ADGRB3: variants seen among roughly 807,000 people sequenced by gnomAD.
The protein encoded by ADGRB3 is adhesion G protein-coupled receptor B3, also known as brain-specific angiogenesis inhibitor 3.
ADGRB3 carries 37 observed loss-of-function variants against 193.4 expected under a neutral mutation model. The ratio of observed to expected loss-of-function variants is 0.19; its 90% CI spans 0.15 to 0.25. The LOEUF (loss-of-function observed/expected upper bound fraction) is 0.25. Ranked by LOEUF, ADGRB3 falls within the 10% of genes least tolerant of loss-of-function variation. The pLI is 1.00. For synonymous variants in ADGRB3, 690 were observed against 644.2 expected, an observed-to-expected ratio of 1.07 and a Z score of -1.08; for missense variants, 1,637 against 1,852.9, an observed-to-expected ratio of 0.88 and a Z score of 2.14.
At chr6:69,016,865 A>C (rs1356298260) in intron 12 of ADGRB3, among the ~76,000 whole-genome samples, 1 of 151,880 alleles carries the variant, frequency 6.6e-6, no homozygotes, top group Non-Finnish European at 1.5e-5. Context: ...TTTTCAACAC[A>C]AAAAAATAAG....
chr6:68,859,488 G>T (rs1246165960), intron 3 of ADGRB3, among the ~76,000 whole-genome samples: 1 of 152,182 alleles, frequency 6.6e-6, no homozygotes, highest in Non-Finnish European at 1.5e-5. Flanking sequence ...CTGAGACTGG[G>T]TAATTTATAA....
rs267601103 is a variant in ADGRB3 at position 69,324,913 on chromosome 6, C to T, written c.2856C>T (p.Phe952=). 28 of 1,613,840 alleles carry T rather than the reference C, an allele frequency of 1.7e-5. No individual in the cohort carries two copies. The highest frequency in any genetic ancestry group is 2.2e-5 in the Non-Finnish European group (26 of 1,179,866). ...CCACTGCATTTTTGCACTTTTTCTT[C>T]CTGGCTTCATTCTGTTGGGTTTTGA... ...TTTTAFLHFF[F]LASFCWVLTE... Residue 952 remains phenylalanine (F), a synonymous_variant, in exon 21 of 32, where the codon TTC becomes TTT. Transcript: ENST00000370598.
chr6:69,158,535 A>G lies in ADGRB3; in HGVS notation c.2481-74755A>G, dbSNP rs181218282. ...TTGAAAGACATTCTGGCTAAGAATTATGCTTCAGTCAAATGAAATATGGCT... is the reference window on the plus strand; with the variant it reads ...TTGAAAGACATTCTGGCTAAGAATTGTGCTTCAGTCAAATGAAATATGGCT... On this transcript the variant is annotated intron_variant, in intron 17 of 31. Transcript: ENST00000370598. Among the ~76,000 whole-genome samples, 10 of 152,268 alleles carry G rather than the reference A, an allele frequency of 6.6e-5. No individual in the cohort carries two copies. In the East Asian group the frequency reaches 1.9e-3, roughly 29 times the overall value.
chr6:69,082,585 ATCG>A, intron 17 of ADGRB3, among the ~76,000 whole-genome samples: 1 of 152,156 alleles, frequency 6.6e-6, no homozygotes, highest in Non-Finnish European at 1.5e-5. Context: ...AATTTGGGTT[ATCG>A]TCATTTTTTA....
chr6:69,108,870 T>A (rs1464024273), intron 17 of ADGRB3, among the ~76,000 whole-genome samples: 2 of 152,136 alleles, frequency 1.3e-5, no homozygotes, highest in Non-Finnish European at 2.9e-5. Context: ...TAAAGAGTGA[T>A]TACTTAATTT....
At chr6:69,026,013 T>C (rs1770424226) in intron 13 of ADGRB3, among the ~76,000 whole-genome samples, 1 of 152,158 alleles carries the variant, frequency 6.6e-6, no homozygotes, top group South Asian at 2.1e-4. Flanking sequence ...GTATAATAGA[T>C]TGGTAATGAT....
chr6:68,839,203 C>T (rs565933961), intron 3 of ADGRB3, among the ~76,000 whole-genome samples: 188 of 152,196 alleles, frequency 1.2e-3, no homozygotes, highest in African/African-American at 4.4e-3. Context: ...TATAGAAATG[C>T]AGATATCTTT....
At chr6:69,093,852 T>A (rs1206551447) in intron 17 of ADGRB3, among the ~76,000 whole-genome samples, 2 of 152,142 alleles carry the variant, frequency 1.3e-5, no homozygotes, top group Non-Finnish European at 2.9e-5. Context: ...GATGTAAGAA[T>A]CGTAAGACCT....
intron 3 of ADGRB3, among the ~76,000 whole-genome samples, chr6:68,731,481 C>A (rs1765774479): frequency 6.6e-6 from 1 of 151,314 alleles, no homozygotes; most frequent in Non-Finnish European, 1.5e-5. Context: ...GAATATGATC[C>A]AGAATGCTGA....
intron 3 of ADGRB3, among the ~76,000 whole-genome samples, chr6:68,926,065 T>A (rs1181524636): frequency 1.3e-5 from 2 of 152,056 alleles, no homozygotes; most frequent in Admixed American, 1.3e-4. Context: ...GATAATTTTG[T>A]TTTTCTCCCC....
chr6:68,711,611 A>G (rs903377587), intron 3 of ADGRB3, among the ~76,000 whole-genome samples: 4 of 152,096 alleles, frequency 2.6e-5, no homozygotes, highest in Admixed American at 1.3e-4. Context: ...TGGCTGAAGA[A>G]TCAGCTAGCC....
chr6:68,735,376 C>T (rs1765851637), intron 3 of ADGRB3, among the ~76,000 whole-genome samples: 1 of 151,502 alleles, frequency 6.6e-6, no homozygotes, highest in Admixed American at 6.6e-5. Context: ...AGTGATGATA[C>T]AATTGAGAGG....
At chr6:69,354,182 T>A (rs1202025358) in intron 26 of ADGRB3, 51 bp from the exon 27 acceptor site, 1 of 1,331,522 alleles carries the variant, frequency 7.5e-7, no homozygotes, top group Non-Finnish European at 1.1e-6. Context: ...ATAGACAGTA[T>A]CTTGTCATTA....
At chr6:68,812,188 T>C (rs145500207) in intron 3 of ADGRB3, among the ~76,000 whole-genome samples, 3,645 of 152,198 alleles carry the variant, frequency 0.024, 60 homozygotes, top group South Asian at 0.061. Context: ...ATATAAGAAG[T>C]GTATATGTGG....
intron 3 of ADGRB3, among the ~76,000 whole-genome samples, chr6:68,928,612 C>T (rs12527597): frequency 0.096 from 14,534 of 152,144 alleles, 920 homozygotes; most frequent in Non-Finnish European, 0.14. Context: ...AGATTTCAGC[C>T]TATTATCATG....
intron 17 of ADGRB3, among the ~76,000 whole-genome samples, chr6:69,227,589 T>G (rs1766046387): frequency 6.6e-6 from 1 of 152,158 alleles, no homozygotes; most frequent in Admixed American, 6.5e-5. Context: ...TAGAACTGAT[T>G]AGGCAGAAAA....
chr6:69,344,778 T>C (rs1769049403), intron 26 of ADGRB3, among the ~76,000 whole-genome samples: 1 of 152,060 alleles, frequency 6.6e-6, no homozygotes, highest in African/African-American at 2.4e-5. Context: ...GAGGAGATGA[T>C]AAAAGACTTC....
At chr6:69,097,605 A>G (rs1772919137) in intron 17 of ADGRB3, among the ~76,000 whole-genome samples, 1 of 152,124 alleles carries the variant, frequency 6.6e-6, no homozygotes, top group Non-Finnish European at 1.5e-5. Context: ...GTTTTCCTTA[A>G]AGCTACATTC....
intron 20 of ADGRB3, among the ~76,000 whole-genome samples, chr6:69,286,477 T>C (rs1767554360): frequency 6.6e-6 from 1 of 152,174 alleles, no homozygotes. Context: ...TTTTAAATTG[T>C]CATATCAACA....
Sources: allele counts gnomAD v4.1 joint callset (sites outside exome capture counted in the v4.1 genomes callset), GRCh38; gene constraint gnomAD v4.1.1; transcripts MANE v1.5; gene names NCBI Gene and HGNC (gene_info 2026-07-23, HGNC 2026-07-21).